Variants in DOP1B observed in about 807,000 individuals in gnomAD.
The protein encoded by DOP1B is protein DOP1B.
In DOP1B, 174 loss-of-function variants were observed where a neutral mutation model predicts 233.5. The ratio of observed to expected loss-of-function variants is 0.75; its 90% CI spans 0.66 to 0.85. DOP1B has a LOEUF of 0.85. Among genes scored for constraint, DOP1B ranks in the 40% least tolerant of loss-of-function variants. The probability of loss-of-function intolerance (pLI) is 0.00; values close to 1 mark genes in which losing one functional copy is unlikely to be tolerated. For missense variants in DOP1B, 2,652 were observed against 2,846.6 expected (o/e 0.93, Z 1.56); for synonymous variants, 1,190 against 1,185.6 (o/e 1.00, Z -0.08).
chr21:36,181,512 CAT>C (rs1335813775), intron 2 of DOP1B, among the ~76,000 whole-genome samples: 1 of 152,126 alleles, frequency 6.6e-6, no homozygotes, highest in Non-Finnish European at 1.5e-5. Flanking sequence ...CTCCTGACCT[CAT>C]GTGATCCACC....
At chr21:36,214,605 G>T (rs780859837) in intron 9 of DOP1B, 49 bp downstream of exon 9, 2 of 1,495,874 alleles carry the variant, frequency 1.3e-6, no homozygotes, top group South Asian at 2.4e-5. Flanking sequence ...CAGATTACCT[G>T]TTTTCAGGGA....
rs2066945826 is a variant in DOP1B at position 36,245,369 on chromosome 21, C to T, written c.3389C>T (p.Ser1130Phe). ...AGCGAGAACACGTCCTCCTTCTCCT[C>T]CCCTTCCCACGACCTGCAGGAGCTG... is the stretch of plus-strand genomic sequence containing the variant. ...TDSENTSSFS[S>F]PSHDLQELSN... is the part of the protein sequence containing the mutation. The change falls in exon 19 of 37, where the codon TCC (serine) becomes TTC (phenylalanine). Residue 1130 changes from serine (S) to phenylalanine (F), a missense_variant. Coordinates refer to ENST00000691173, the MANE Select transcript of DOP1B (RefSeq NM_001320714.2). This position sits in a 1 kb window ranked among gnomAD's most constrained non-coding sequence, Gnocchi z 5.5. 5.6e-6 allele frequency: 9 copies of T among 1,614,104 alleles called. No homozygotes were observed. The highest frequency in any genetic ancestry group is 7.6e-6 in the Non-Finnish European group (9 of 1,180,014).
At position 36,238,566 on chromosome 21, in the gene DOP1B, C is replaced by T. The variant is rs138094092; in HGVS notation, c.2776-35C>T. On this transcript the variant is annotated intron_variant, in intron 16 of 36. Coordinates refer to ENST00000691173, the MANE Select transcript of DOP1B (RefSeq NM_001320714.2). ...CTGAAGACAGTGGTCAGTTACAAAA[C>T]CAAGTTCCTCACTCCCATGTATCTC... 3.3e-5 allele frequency: 53 copies of T among 1,601,848 alleles called. No individual in the cohort carries two copies. In the African/African-American group the frequency reaches 5.1e-4, roughly 15 times the overall value.
chr21:36,169,171 C>G (rs543106755), intron 2 of DOP1B: 2 of 1,025,704 alleles, frequency 1.9e-6, no homozygotes, highest in Non-Finnish European at 3.0e-6. Context: ...TGGTTCCCAC[C>G]ACACAGCCTT....
intron 2 of DOP1B, among the ~76,000 whole-genome samples, chr21:36,168,641 C>T (rs1001443106): frequency 9.6e-4 from 146 of 152,206 alleles, no homozygotes; most frequent in African/African-American, 3.4e-3. Context: ...ATTCTCATCC[C>T]TCAGCCTCCT....
intron 27 of DOP1B, among the ~76,000 whole-genome samples, chr21:36,273,023 A>T: frequency 6.6e-6 from 1 of 151,352 alleles, no homozygotes; most frequent in East Asian, 1.9e-4. Context: ...CATCTCTACA[A>T]AAGGGGAGGC....
chr21:36,232,932 C>G lies in DOP1B; in HGVS notation c.2479C>G (p.Leu827Val). 6.2e-7 allele frequency: 1 copy of G among 1,614,118 alleles called. No individual in the cohort carries two copies. The highest frequency in any genetic ancestry group is 8.5e-7 in the Non-Finnish European group (1 of 1,180,030). Residue 827 changes from leucine (L) to valine (V), a missense_variant, in exon 15 of 37, where the codon CTG becomes GTG. Leu to Val is a conservative substitution (Grantham distance 32, BLOSUM62 1). Around this residue, in one of 3 missense-constraint regions of DOP1B, gnomAD observed 2,617 missense variants for 2,794.3 expected, o/e 0.94. Transcript: ENST00000691173. ...LLEVINHSQS[L>V]ALVIEDKMKR... Reference sequence around the variant, plus strand: ...GGAAGTGATAAACCATTCCCAGTCCCTGGCGCTTGTCATTGAAGACAAGAT... The same window carrying G: ...GGAAGTGATAAACCATTCCCAGTCCGTGGCGCTTGTCATTGAAGACAAGAT...
chr21:36,200,007 G>A (rs964420553), intron 3 of DOP1B, among the ~76,000 whole-genome samples: 5 of 152,232 alleles, frequency 3.3e-5, no homozygotes, highest in South Asian at 2.1e-4. Flanking sequence ...TTGAGGAATC[G>A]CCACACTGAC....
chr21:36,279,127 C>G (rs558281701), intron 30 of DOP1B, among the ~76,000 whole-genome samples: 4 of 151,652 alleles, frequency 2.6e-5, no homozygotes, highest in Non-Finnish European at 5.9e-5. Context: ...GAAAATCACT[C>G]AGGGCTGGTC....
In DOP1B at chr21:36,230,653, G is replaced by C; in HGVS notation, c.1869G>C (p.Met623Ile). Residue 623 changes from methionine to isoleucine, a missense_variant, in exon 14 of 37, where the codon ATG becomes ATC. Physicochemically the swap from Met to Ile is conservative, Grantham distance 10 (BLOSUM62 1). Coordinates refer to ENST00000691173, the MANE Select transcript of DOP1B (RefSeq NM_001320714.2). ...RDDVWKKGGS[M>I]QRTFLCIQEL... The stretch of plus-strand genomic sequence containing the variant: ...ACGTTTGGAAGAAGGGCGGGAGCAT[G>C]CAGAGGACGTTTCTTTGCATCCAAG... 1 of 1,614,202 alleles carries C rather than the reference G, an allele frequency of 6.2e-7. No homozygotes were observed. The highest frequency in any genetic ancestry group is 1.1e-5 in the South Asian group (1 of 91,090).
intron 1 of DOP1B, among the ~76,000 whole-genome samples, chr21:36,162,910 A>G (rs1289010670): frequency 6.6e-6 from 1 of 152,080 alleles, no homozygotes; most frequent in Non-Finnish European, 1.5e-5. Context: ...TAGATGGGAA[A>G]CAAGCTCTGG....
At chr21:36,164,619 T>G (rs903696951) in intron 1 of DOP1B, 89 bp from the exon 2 acceptor site, 2 of 1,037,422 alleles carry the variant, frequency 1.9e-6, no homozygotes, top group African/African-American at 3.3e-5. Flanking sequence ...GTTGTGTTTG[T>G]GGACACGTGT....
chr21:36,234,955 C>A (rs1447604835), intron 15 of DOP1B, among the ~76,000 whole-genome samples: 3 of 152,186 alleles, frequency 2.0e-5, no homozygotes, highest in African/African-American at 2.4e-5. Context: ...ATACCCATCA[C>A]CTTAAGCATT....
At chr21:36,172,688 G>T (rs1490149934) in intron 2 of DOP1B, among the ~76,000 whole-genome samples, 3 of 152,172 alleles carry the variant, frequency 2.0e-5, no homozygotes, top group African/African-American at 7.2e-5. Flanking sequence ...TGGAGCCTCA[G>T]CCTGGAGCTC....
chr21:36,248,644 A>G (rs577691450), intron 21 of DOP1B, 76 bp downstream of exon 21: 3 of 1,420,790 alleles, frequency 2.1e-6, no homozygotes, highest in East Asian at 4.7e-5. Flanking sequence ...TGTATAGGAA[A>G]GTGTGCATGA....
chr21:36,281,515 A>G lies in DOP1B; in HGVS notation c.6064A>G (p.Ser2022Gly). 1.2e-6 allele frequency: 2 copies of G among 1,607,220 alleles called. No individual in the cohort carries two copies. The highest frequency in any genetic ancestry group is 1.7e-6 in the Non-Finnish European group (2 of 1,174,376). Residue 2022 changes from serine (S) to glycine (G), a missense_variant, in exon 32 of 37, where the codon AGT becomes GGT. This residue lies in a region of DOP1B where 2,617 missense variants were observed against 2,794.3 expected (regional missense o/e 0.94). Transcript: ENST00000691173. ...GAGCAGTTCTTTGAAACTATTCTCA[A>G]GTTTTGAACAGAAAGCCATGCTGTT... ...MQSSSLKLFS[S>G]FEQKAMLLKR... is the part of the protein sequence containing the mutation.
At chr21:36,209,342 G>T (rs1189505725) in intron 5 of DOP1B, among the ~76,000 whole-genome samples, 1 of 152,166 alleles carries the variant, frequency 6.6e-6, no homozygotes, top group South Asian at 2.1e-4. Context: ...GGATGGTCTC[G>T]AACTGCCTGC....
At chr21:36,225,113 T>G (rs892097838) in intron 11 of DOP1B, among the ~76,000 whole-genome samples, 9 of 152,194 alleles carry the variant, frequency 5.9e-5, no homozygotes, top group African/African-American at 2.2e-4. Context: ...TTAGATACTT[T>G]TAGTCACCAA....
intron 15 of DOP1B, among the ~76,000 whole-genome samples, chr21:36,236,741 G>C (rs1000379299): frequency 1.3e-5 from 2 of 151,158 alleles, no homozygotes; most frequent in Non-Finnish European, 3.0e-5. Context: ...TGACTTTGGT[G>C]GGTTTTTCCT....
Sources: gnomAD v4.1 joint callset for allele counts (sites outside exome capture counted in the v4.1 genomes callset) on GRCh38, gnomAD v4.1.1 for gene constraint, gnomAD v4.1.1 regional missense constraint, Gnocchi (gnomAD v3.1) non-coding constraint, MANE v1.5 for transcripts, NCBI Gene and HGNC (gene_info 2026-07-23, HGNC 2026-07-21) for gene names.